Variants in PDE10A observed in about 807,000 individuals in gnomAD.
PDE10A encodes the protein cAMP and cAMP-inhibited cGMP 3',5'-cyclic phosphodiesterase 10A.
A neutral mutation model predicts 97.7 loss-of-function variants in PDE10A; 39 were observed. That is an observed-to-expected ratio of 0.40 (90% CI 0.31 to 0.52). The LOEUF is 0.52. Ranked by LOEUF, PDE10A falls within the 20% of genes least tolerant of loss-of-function variation. PDE10A has a pLI of 0.56. For missense variants in PDE10A, 731 were observed against 1,047.8 expected (o/e 0.70, Z 4.17); for synonymous variants, 371 against 376.8 (o/e 0.98, Z 0.18).
intron 1 of PDE10A, among the ~76,000 whole-genome samples, chr6:165,714,286 C>T (rs1223444100): frequency 2.0e-5 from 3 of 152,196 alleles, no homozygotes; most frequent in South Asian, 2.1e-4. Flanking sequence ...GAGGGGGTGG[C>T]GTGCCGTAGC....
intron 1 of PDE10A, among the ~76,000 whole-genome samples, chr6:165,564,365 G>C (rs1405518522): frequency 6.6e-6 from 1 of 152,122 alleles, no homozygotes; most frequent in Non-Finnish European, 1.5e-5. Context: ...AATGCAAGAG[G>C]GAGAACAAGG....
At chr6:165,815,128 C>G (rs1395115608) in intron 1 of PDE10A, among the ~76,000 whole-genome samples, 1 of 152,206 alleles carries the variant, frequency 6.6e-6, no homozygotes, top group Non-Finnish European at 1.5e-5. Flanking sequence ...GAGAGGCTCT[C>G]TTTCGTCATC....
At chr6:165,674,909 C>T (rs1182101850) in intron 1 of PDE10A, among the ~76,000 whole-genome samples, 1 of 152,108 alleles carries the variant, frequency 6.6e-6, no homozygotes, top group Non-Finnish European at 1.5e-5. Flanking sequence ...GCCTCTTTCT[C>T]GTTCACTCTT....
At chr6:165,864,605 A>G (rs561598739) in intron 1 of PDE10A, among the ~76,000 whole-genome samples, 34 of 152,376 alleles carry the variant, frequency 2.2e-4, no homozygotes, top group African/African-American at 8.2e-4. Flanking sequence ...GTGAAATATC[A>G]TATGTGGCTA....
chr6:165,718,218 C>A (rs547221033), intron 1 of PDE10A: 1 of 152,198 alleles, frequency 6.6e-6, no homozygotes, highest in South Asian at 2.1e-4. Context: ...CATAGTGGTC[C>A]ATTTCAAGTT....
intron 1 of PDE10A, among the ~76,000 whole-genome samples, chr6:165,970,028 C>T (rs989432603): frequency 2.6e-5 from 4 of 152,144 alleles, no homozygotes; most frequent in Admixed American, 6.5e-5. Context: ...AAGTAAACAC[C>T]GTCAGTAATA....
At chr6:165,794,200 T>TCA (rs552233415) in intron 1 of PDE10A, among the ~76,000 whole-genome samples, 27 of 136,662 alleles carry the variant, frequency 2.0e-4, no homozygotes, top group African/African-American at 6.1e-4. Context: ...GCACTCACGC[T>TCA]CACACACACT....
intron 1 of PDE10A, among the ~76,000 whole-genome samples, chr6:165,967,744 A>G (rs1784553582): frequency 6.6e-6 from 1 of 152,168 alleles, no homozygotes; most frequent in Non-Finnish European, 1.5e-5. Context: ...TGCTTTTGAG[A>G]TAGCCCTGTG....
At chr6:165,541,581 A>C (rs994553021) in intron 2 of PDE10A, among the ~76,000 whole-genome samples, 1 of 152,188 alleles carries the variant, frequency 6.6e-6, no homozygotes, top group East Asian at 1.9e-4. Flanking sequence ...TTCTTACACT[A>C]CACTATTATC....
At chr6:165,908,904 G>A (rs1307591069) in intron 1 of PDE10A, 6 of 152,318 alleles carry the variant, frequency 3.9e-5, no homozygotes, top group South Asian at 2.1e-4. Flanking sequence ...GTCCACTGCA[G>A]CCTGTTAACT....
chr6:165,517,729 G>C (rs1243720533), intron 2 of PDE10A, among the ~76,000 whole-genome samples: 2 of 152,314 alleles, frequency 1.3e-5, no homozygotes, highest in Middle Eastern at 3.4e-3. Context: ...GGTGAATGGA[G>C]GGCAGGATTA....
At chr6:165,339,093 C>T (rs1781821735) in intron 20 of PDE10A, among the ~76,000 whole-genome samples, 185 bp downstream of exon 20, 2 of 152,242 alleles carry the variant, frequency 1.3e-5, no homozygotes, top group East Asian at 3.9e-4. Context: ...AACAGTTTTT[C>T]TTTTTCTAGT....
intron 1 of PDE10A, among the ~76,000 whole-genome samples, chr6:165,885,801 T>A (rs1362334688): frequency 6.6e-6 from 1 of 152,228 alleles, no homozygotes; most frequent in East Asian, 1.9e-4. Flanking sequence ...CTTTTAGAGC[T>A]GCACATCCGG....
At chr6:165,619,044 GTAGTC>G (rs1787871703) in intron 1 of PDE10A, among the ~76,000 whole-genome samples, 1 of 113,412 alleles carries the variant, frequency 8.8e-6, no homozygotes, top group Non-Finnish European at 2.0e-5. Flanking sequence ...GTAGTGTAGT[GTAGTC>G]TAGTGTGGTG....
chr6:165,568,113 C>T (rs1784875798), intron 1 of PDE10A, among the ~76,000 whole-genome samples: 1 of 150,958 alleles, frequency 6.6e-6, no homozygotes, highest in Non-Finnish European at 1.5e-5. Context: ...ATTCTCCTGC[C>T]TCAGCCTCCC....
chr6:165,337,068 T>C (rs937685456), intron 20 of PDE10A, among the ~76,000 whole-genome samples: 2 of 152,120 alleles, frequency 1.3e-5, no homozygotes, highest in African/African-American at 4.8e-5. Flanking sequence ...ATAAATGTCA[T>C]TGGTTTTATC....
intron 1 of PDE10A, among the ~76,000 whole-genome samples, chr6:165,652,902 G>A (rs1167438338): frequency 3.3e-5 from 5 of 152,126 alleles, no homozygotes; most frequent in African/African-American, 9.7e-5. Context: ...CATCCAGAAC[G>A]CTCTAAACAC....
At chr6:165,508,471 C>A (rs1431290660) in intron 2 of PDE10A, among the ~76,000 whole-genome samples, 2 of 151,942 alleles carry the variant, frequency 1.3e-5, no homozygotes, top group Non-Finnish European at 2.9e-5. Context: ...CTTGGTGGAC[C>A]TGAGTTATTT....
At chr6:165,864,866 C>A (rs1377190652) in intron 1 of PDE10A, among the ~76,000 whole-genome samples, 3 of 151,974 alleles carry the variant, frequency 2.0e-5, no homozygotes, top group Admixed American at 6.6e-5. Context: ...TTCCCAAAAA[C>A]AAAAAGAAAT....
Sources: allele counts gnomAD v4.1 joint callset (sites outside exome capture counted in the v4.1 genomes callset), GRCh38; gene constraint gnomAD v4.1.1; transcripts MANE v1.5; gene names NCBI Gene and HGNC (gene_info 2026-07-23, HGNC 2026-07-21).